The following SEMA3E variants were observed in gnomAD, a reference collection of about 807,000 sequenced individuals.
The protein encoded by SEMA3E is semaphorin-3E.
Under a neutral mutation model 93.6 loss-of-function variants are expected in SEMA3E, and 49 were observed. The observed-to-expected ratio is 0.52, with a 90% confidence interval of 0.42 to 0.66. SEMA3E has a LOEUF of 0.66. SEMA3E is among the 30% of genes least tolerant of loss of function. The pLI is 0.00. For synonymous variants in SEMA3E, 363 were observed against 330.7 expected (o/e 1.10, Z -1.06); for missense variants, 906 against 964.8 (o/e 0.94, Z 0.81).
At chr7:83,548,313 T>C (rs977828527) in intron 1 of SEMA3E, among the ~76,000 whole-genome samples, 1 of 152,156 alleles carries the variant, frequency 6.6e-6, no homozygotes, top group Non-Finnish European at 1.5e-5. Context: ...AAGTTTTTCA[T>C]GGCTTGCTAG....
intron 1 of SEMA3E, among the ~76,000 whole-genome samples, chr7:83,559,533 C>T (rs1416927201): frequency 6.6e-6 from 1 of 151,860 alleles, no homozygotes; most frequent in Non-Finnish European, 1.5e-5. Context: ...TGCTACACAC[C>T]TCTTAGAATG....
At chr7:83,465,492 T>C (rs1265037508) in intron 4 of SEMA3E, among the ~76,000 whole-genome samples, 1 of 152,252 alleles carries the variant, frequency 6.6e-6, no homozygotes, top group East Asian at 1.9e-4. Flanking sequence ...GAATTATATT[T>C]GCACCTGAGG....
At position 83,385,388 on chromosome 7, in the gene SEMA3E, T is replaced by G; in HGVS notation, c.1781A>C (p.Glu594Ala). ...KTEEHLAYGIENNSTLLECTP... is the reference protein window; with the variant it reads ...KTEEHLAYGIANNSTLLECTP... The stretch of plus-strand genomic sequence containing the variant: ...ACATTCCAGCAAAGTACTGTTGTTC[T>G]CTATGCCATAAGCCAGATGTTCTTC... Residue 594 changes from glutamate to alanine, a missense_variant, in exon 16 of 17, where the codon GAG (glutamate) becomes GCG (alanine). Glu to Ala is a moderately radical substitution (Grantham distance 107). Transcript: ENST00000643230. 1 of 1,613,606 alleles carries G rather than the reference T, an allele frequency of 6.2e-7. No individual in the cohort carries two copies. The highest frequency in any genetic ancestry group is 8.5e-7 in the Non-Finnish European group (1 of 1,179,634).
intron 1 of SEMA3E, among the ~76,000 whole-genome samples, chr7:83,585,100 T>G (rs1384879048): frequency 1.3e-5 from 2 of 152,106 alleles, no homozygotes; most frequent in Non-Finnish European, 2.9e-5. Context: ...GCATGTGCTG[T>G]TCCCTCCATC....
intron 1 of SEMA3E, among the ~76,000 whole-genome samples, chr7:83,642,379 G>C (rs965767085): frequency 1.3e-5 from 2 of 152,108 alleles, no homozygotes; most frequent in African/African-American, 4.8e-5. Flanking sequence ...CCATATGAAG[G>C]AAAGATATCA....
intron 1 of SEMA3E, among the ~76,000 whole-genome samples, chr7:83,531,722 C>T (rs1791306081): frequency 6.6e-6 from 1 of 152,078 alleles, no homozygotes; most frequent in Non-Finnish European, 1.5e-5. Context: ...ATGACATTAA[C>T]TTATCTAAAG....
At chr7:83,449,974 A>T (rs1311000139) in intron 4 of SEMA3E, among the ~76,000 whole-genome samples, 6 of 152,186 alleles carry the variant, frequency 3.9e-5, no homozygotes, top group South Asian at 2.1e-4. Flanking sequence ...ACAGCTCTTA[A>T]ATGGCAAACT....
intron 4 of SEMA3E, among the ~76,000 whole-genome samples, chr7:83,427,516 C>G (rs971360174): frequency 1.3e-4 from 20 of 152,092 alleles, no homozygotes; most frequent in African/African-American, 4.6e-4. Context: ...TTACCATAGA[C>G]TACATAGTAT....
chr7:83,495,579 A>G (rs1268440962), intron 1 of SEMA3E, among the ~76,000 whole-genome samples: 1 of 151,934 alleles, frequency 6.6e-6, no homozygotes, highest in East Asian at 1.9e-4. Context: ...GGAAAAACAT[A>G]CATATAGCAC....
chr7:83,455,243 G>A (rs1485790028), intron 4 of SEMA3E, among the ~76,000 whole-genome samples: 1 of 152,200 alleles, frequency 6.6e-6, no homozygotes, highest in Admixed American at 6.5e-5. Flanking sequence ...TATGGCAGCA[G>A]TCTATATTCA....
At chr7:83,454,272 A>AATATATATATATATATATATATAT (rs71534491) in intron 4 of SEMA3E, among the ~76,000 whole-genome samples, 4 of 110,130 alleles carry the variant, frequency 3.6e-5, no homozygotes, top group African/African-American at 1.7e-4. Flanking sequence ...AAAAAAAAAA[A>AATATATATATATATATATATATAT]ATATATATAT....
chr7:83,415,169 C>T (rs3801493), intron 5 of SEMA3E, among the ~76,000 whole-genome samples: 81,050 of 151,748 alleles, frequency 0.53, 23,416 homozygotes, highest in East Asian at 0.84. Context: ...GGCATGGATA[C>T]GCAATGCAGC....
At chr7:83,509,446 G>A (rs775843470) in intron 1 of SEMA3E, among the ~76,000 whole-genome samples, 9 of 152,140 alleles carry the variant, frequency 5.9e-5, no homozygotes, top group Non-Finnish European at 8.8e-5. Context: ...TGGAGGCAAC[G>A]AGACACACTC....
chr7:83,461,526 G>A lies in SEMA3E; in HGVS notation c.456+4956C>T, dbSNP rs182833151. Among the ~76,000 whole-genome samples, 750 of 152,272 alleles carry A rather than the reference G, an allele frequency of 4.9e-3. 7 individuals are homozygous for A. Among genetic ancestry groups the A allele is most frequent in the African/African-American group, 0.017 (705 of 41,546 alleles). On this transcript the variant is annotated intron_variant, in intron 4 of 16. Coordinates refer to ENST00000643230, the MANE Select transcript of SEMA3E (RefSeq NM_012431.3). Reference sequence around the variant, plus strand: ...AAAGGTGGCTGGAGCTAAAGGCATAGTCAAGGTTAATGCTCTTTTTCTTTA... The same window carrying A: ...AAAGGTGGCTGGAGCTAAAGGCATAATCAAGGTTAATGCTCTTTTTCTTTA...
At chr7:83,384,966 A>G (rs1017002227) in intron 16 of SEMA3E, among the ~76,000 whole-genome samples, 5 of 151,876 alleles carry the variant, frequency 3.3e-5, no homozygotes, top group African/African-American at 1.2e-4. Context: ...ATGATTTAAG[A>G]CTATCATTTT....
At position 83,456,805 on chromosome 7, in the gene SEMA3E, G is replaced by A. The variant is rs895825107; in HGVS notation, c.456+9677C>T. 9.1e-4 allele frequency among the ~76,000 whole-genome samples: 139 copies of A among 151,914 alleles called. 2 individuals are homozygous for A. The highest frequency in any genetic ancestry group is 5.9e-4 in the Non-Finnish European group (40 of 67,958). On this transcript the variant is annotated intron_variant, in intron 4 of 16. Transcript: ENST00000643230. ...ATTTTTATATTTTTAGTAGAGATAG[G>A]GTTTCACCATGTTGGCCAGGCTGGT...
intron 3 of SEMA3E, among the ~76,000 whole-genome samples, chr7:83,468,275 A>C (rs1789815403): frequency 1.3e-5 from 2 of 152,346 alleles, no homozygotes; most frequent in South Asian, 2.1e-4. Flanking sequence ...TATATTTGGT[A>C]GAATCTTTTC....
intron 1 of SEMA3E, among the ~76,000 whole-genome samples, chr7:83,515,010 C>T (rs1790897938): frequency 6.6e-6 from 1 of 152,072 alleles, no homozygotes; most frequent in Non-Finnish European, 1.5e-5. Flanking sequence ...TTTTCTCCTC[C>T]TCCTTGAAAT....
At chr7:83,456,517 C>A (rs1376843064) in intron 4 of SEMA3E, among the ~76,000 whole-genome samples, 1 of 151,998 alleles carries the variant, frequency 6.6e-6, no homozygotes, top group African/African-American at 2.4e-5. Context: ...TTTTCTCTAC[C>A]TGCTATTCTA....
Sources: gnomAD v4.1 joint callset for allele counts (sites outside exome capture counted in the v4.1 genomes callset) on GRCh38, gnomAD v4.1.1 for gene constraint, MANE v1.5 for transcripts, NCBI Gene and HGNC (gene_info 2026-07-23, HGNC 2026-07-21) for gene names.